DOCK5: variants seen among roughly 807,000 people sequenced by gnomAD.
The protein encoded by DOCK5 is dedicator of cytokinesis protein 5.
In DOCK5, 142 loss-of-function variants were observed where a neutral mutation model predicts 251.8. The observed-to-expected ratio is 0.56, with a 90% CI of 0.49 to 0.65. The LOEUF is 0.65. Among genes scored for constraint, DOCK5 ranks in the 30% least tolerant of loss-of-function variants. The pLI is 0.00. For synonymous variants in DOCK5, 842 were observed against 835.5 expected, an observed-to-expected ratio of 1.01 and a Z score of -0.13; for missense variants, 2,111 against 2,312.3, an observed-to-expected ratio of 0.91 and a Z score of 1.79.
At position 25,302,001 on chromosome 8, in the gene DOCK5, A is replaced by G. The variant is rs116047503; in HGVS notation, c.847-324A>G. The stretch of plus-strand genomic sequence containing the variant: ...TGTGCTGAGATACGTCCAAAGATAT[A>G]CAATCGCAATGATGAGGGCCCTGAT... On this transcript the variant is annotated intron_variant, in intron 9 of 51. Coordinates refer to ENST00000276440, the MANE Select transcript of DOCK5 (RefSeq NM_024940.8). Among the ~76,000 whole-genome samples the G allele has an allele frequency of 6.5e-3, 994 of 152,302 alleles. 9 individuals carry two copies. The highest frequency in any genetic ancestry group is 0.023 in the African/African-American group (958 of 41,548).
At position 25,412,078 on chromosome 8, in the gene DOCK5, C is replaced by CTTTTTTTT. The variant is rs56131241; in HGVS notation, c.*796_*803dup. On this transcript the variant is annotated 3_prime_UTR_variant, in exon 52 of 52. Transcript: ENST00000276440. ...GAAGCTCTTCCTTTTGCACATACGG[C>CTTTTTTTT]TTTTTTTTTTTTTTTTTTTTTTTGT... The CTTTTTTTT allele has an allele frequency of 2.4e-4, 20 of 82,874 alleles. 1 individual carries two copies. Among genetic ancestry groups the CTTTTTTTT allele is most frequent in the East Asian group, 4.6e-4 (1 of 2,152 alleles). 5.1% of individuals were successfully genotyped at this position (82,874 alleles called of 1,614,324 possible).
In DOCK5 at chr8:25,308,931, G is replaced by A. The variant is rs1016126343; in HGVS notation, c.1192+6G>A. ...AGTGAATCACAAAGGGCAAGGTACAGTCCAGTGCCAGAGCTGGGAGGGACT... is the reference window on the plus strand; with the variant it reads ...AGTGAATCACAAAGGGCAAGGTACAATCCAGTGCCAGAGCTGGGAGGGACT... On this transcript the variant is annotated splice_donor_region_variant and intron_variant, in intron 12 of 51. Transcript: ENST00000276440. The A allele has an allele frequency of 6.5e-7, 1 of 1,535,258 alleles. No homozygotes were observed. The highest frequency in any genetic ancestry group is 9.0e-7 in the Non-Finnish European group (1 of 1,112,564).
intron 45 of DOCK5, among the ~76,000 whole-genome samples, chr8:25,399,059 T>C (rs1801393800): frequency 6.6e-6 from 1 of 152,228 alleles, no homozygotes; most frequent in Non-Finnish European, 1.5e-5. Context: ...AAGGGGAATC[T>C]GAAGGCTGGT....
intron 22 of DOCK5, among the ~76,000 whole-genome samples, chr8:25,338,433 T>C (rs1339495444): frequency 1.3e-5 from 2 of 152,232 alleles, no homozygotes; most frequent in East Asian, 1.9e-4. Flanking sequence ...TTGATTTACA[T>C]TTATTATTCT....
intron 1 of DOCK5, among the ~76,000 whole-genome samples, chr8:25,191,922 C>G (rs1801592096): frequency 9.1e-6 from 1 of 109,466 alleles, no homozygotes; most frequent in Admixed American, 1.1e-4. Context: ...CCCCCCTCCC[C>G]CCACCCCACA....
intron 1 of DOCK5, among the ~76,000 whole-genome samples, chr8:25,198,458 G>A (rs1228341343): frequency 6.6e-6 from 1 of 152,070 alleles, no homozygotes; most frequent in Non-Finnish European, 1.5e-5. Context: ...TGTAATCCCA[G>A]CTATGCAGGA....
chr8:25,255,909 G>A (rs1446621433), intron 2 of DOCK5, among the ~76,000 whole-genome samples: 5 of 152,180 alleles, frequency 3.3e-5, no homozygotes, highest in African/African-American at 1.2e-4. Context: ...CTCTGTGCTT[G>A]AGTACACCCA....
chr8:25,358,870 G>A, intron 27 of DOCK5, 93 bp from the exon 28 acceptor site: 1 of 1,080,426 alleles, frequency 9.3e-7, no homozygotes, highest in South Asian at 1.3e-5. Context: ...TGGCTCAGTG[G>A]GTGGGAAAAG....
intron 10 of DOCK5, among the ~76,000 whole-genome samples, chr8:25,304,046 C>A (rs559099731): frequency 1.4e-4 from 21 of 152,102 alleles, no homozygotes; most frequent in African/African-American, 4.3e-4. Flanking sequence ...CCAGTAAAAC[C>A]CAGACCCCTT....
rs547306965 is a variant in DOCK5, at chr8:25,360,431, T to C, written c.2949+1370T>C. ...GGCGCAAGAGGCCCAGTATGGGGGG[T>C]GGGGGGTGGAGGAGGAAGCCCAAGG... On this transcript the variant is annotated intron_variant, in intron 28 of 51. Transcript: ENST00000276440. 5.3e-4 allele frequency among the ~76,000 whole-genome samples: 80 copies of C among 150,942 alleles called. 2 individuals are homozygous for C. In the South Asian group the frequency reaches 0.016, roughly 31 times the overall value.
At chr8:25,277,669 A>T (rs1392050095) in intron 4 of DOCK5, among the ~76,000 whole-genome samples, 1 of 152,162 alleles carries the variant, frequency 6.6e-6, no homozygotes, top group Admixed American at 6.5e-5. Context: ...GCCACCCACC[A>T]TGTTGGAGGA....
chr8:25,330,503 T>C (rs1209232718), intron 18 of DOCK5, among the ~76,000 whole-genome samples: 1 of 152,168 alleles, frequency 6.6e-6, no homozygotes, highest in Non-Finnish European at 1.5e-5. Flanking sequence ...TTTCAGAACC[T>C]GCCATGGTTG....
rs907271583 is a variant in DOCK5, at chr8:25,395,799, C to T, written c.4704+80C>T. ...CTCCCTCTGTGCCATTTGCCACTGA[C>T]AAATTCATTTCCTACAGCTGCTCTA... On this transcript the variant is annotated intron_variant, in intron 45 of 51. Coordinates refer to ENST00000276440, the MANE Select transcript of DOCK5 (RefSeq NM_024940.8). 9.0e-6 allele frequency: 13 copies of T among 1,437,582 alleles called. No homozygotes were observed. The Admixed American group carries it at 1.6e-4, about 17-fold the overall frequency. 89.1% of individuals were successfully genotyped at this position (1,437,582 alleles called of 1,614,324 possible). A position where few individuals can be genotyped will look rare whatever the true frequency, so the allele number is the denominator to read the frequency against.
At position 25,389,230 on chromosome 8, in the gene DOCK5, A is replaced by G. The variant is rs1487437990; in HGVS notation, c.4271A>G (p.Gln1424Arg). ...GAAGACATCAAGTCGTCCCCCAAGC[A>G]GTGTATCCTTTCCGGGGGGAGTATG... ...PGEDIKSSPK[Q>R]YMQCFTVKPV... The change falls in exon 41 of 52, where the codon CAG becomes CGG. Residue 1424 changes from glutamine to arginine, a missense_variant and splice_region_variant. Gln to Arg is a conservative substitution (Grantham distance 43, BLOSUM62 1). Coordinates refer to ENST00000276440, the MANE Select transcript of DOCK5 (RefSeq NM_024940.8). The G allele has an allele frequency of 8.7e-6, 14 of 1,613,232 alleles. No individual in the cohort carries two copies. Among genetic ancestry groups the G allele is most frequent in the Non-Finnish European group, 1.0e-5 (12 of 1,179,284 alleles).
chr8:25,311,922 C>CAA (rs763402229), intron 13 of DOCK5, among the ~76,000 whole-genome samples: 5 of 110,784 alleles, frequency 4.5e-5, no homozygotes, highest in Non-Finnish European at 4.0e-5. Context: ...ACTCTGCCTC[C>CAA]AAAAAAAAAA....
intron 1 of DOCK5, among the ~76,000 whole-genome samples, chr8:25,185,622 G>A (rs1449318091): frequency 6.6e-6 from 1 of 152,166 alleles, no homozygotes; most frequent in African/African-American, 2.4e-5. Context: ...TGGAGAGGGT[G>A]TAAGGCTGCC....
intron 4 of DOCK5, among the ~76,000 whole-genome samples, chr8:25,275,752 C>T (rs1179456957): frequency 6.6e-6 from 1 of 152,140 alleles, no homozygotes; most frequent in Non-Finnish European, 1.5e-5. Context: ...AGGAGAATCA[C>T]TCGAGCCCAG....
intron 2 of DOCK5, among the ~76,000 whole-genome samples, chr8:25,267,893 C>G (rs1325061627): frequency 2.6e-5 from 4 of 151,126 alleles, no homozygotes; most frequent in Non-Finnish European, 5.9e-5. Context: ...AACGGAGTCT[C>G]GCTCTGTTGC....
intron 16 of DOCK5, among the ~76,000 whole-genome samples, chr8:25,322,496 G>A (rs975716225): frequency 1.2e-4 from 18 of 152,150 alleles, no homozygotes; most frequent in Admixed American, 9.8e-4. Context: ...AGGTTGAATC[G>A]TGTGAAATTG....
Sources: gnomAD v4.1 joint callset for allele counts (sites outside exome capture counted in the v4.1 genomes callset) on GRCh38, gnomAD v4.1.1 for gene constraint, MANE v1.5 for transcripts, NCBI Gene and HGNC (gene_info 2026-07-23, HGNC 2026-07-21) for gene names.